Variants in TRIM39 observed in about 807,000 individuals in gnomAD.
TRIM39 encodes the protein E3 ubiquitin-protein ligase TRIM39.
Under a neutral mutation model 53.6 loss-of-function variants are expected in TRIM39, and 5 were observed. That is an observed-to-expected ratio of 0.09 (90% CI 0.05 to 0.20). The LOEUF (loss-of-function observed/expected upper bound fraction) is 0.20, where lower values mean the gene tolerates loss of function less well. TRIM39 is among the 10% of genes least tolerant of loss of function. The pLI is 1.00. For synonymous variants in TRIM39, 196 were observed against 237.6 expected (o/e 0.82, Z 1.61); for missense variants, 310 against 621.0 (o/e 0.50, Z 5.32).
At chr6:30,332,410 T>A (rs561729010) in intron 4 of TRIM39, among the ~76,000 whole-genome samples, 1 of 152,352 alleles carries the variant, frequency 6.6e-6, no homozygotes, top group African/African-American at 2.4e-5. Flanking sequence ...AATGAGTTTT[T>A]AAGAGTTGAC....
rs1787706149 is a variant in TRIM39 at position 30,342,878 on chromosome 6, G to C, written c.*619G>C. The C allele has an allele frequency of 6.5e-6, 1 of 152,912 alleles. No homozygotes were observed. Among genetic ancestry groups the C allele is most frequent in the Non-Finnish European group, 1.5e-5 (1 of 68,568 alleles). The allele number at this position is 152,912 out of a possible 1,614,324, so 9.5% of individuals were successfully genotyped here. On this transcript the variant is annotated 3_prime_UTR_variant, in exon 8 of 8. Coordinates refer to ENST00000396551, the Ensembl canonical transcript of TRIM39. The surrounding 1 kb of genome is among the most constrained non-coding windows in gnomAD (Gnocchi z 4.7). ...AGGTTTCTTTGGTCTTCTATTCCAA[G>C]GGTAAGGTTGCGATTATGGGTAAGA...
chr6:30,340,054 G>A (rs1475761596), intron 6 of TRIM39, 124 bp downstream of exon 6: 1 of 1,460,892 alleles, frequency 6.8e-7, no homozygotes, highest in African/African-American at 1.4e-5. Flanking sequence ...CAGGGTATGG[G>A]AGAATGTTCA....
rs758455741 is a variant in TRIM39 at position 30,342,871 on chromosome 6, A to G, written c.*612A>G. ...AGGAGGGAGGTTTCTTTGGTCTTCT[A>G]TTCCAAGGGTAAGGTTGCGATTATG... On this transcript the variant is annotated 3_prime_UTR_variant, in exon 8 of 8. Transcript: ENST00000396551. The surrounding 1 kb of genome is among the most constrained non-coding windows in gnomAD (Gnocchi z 4.7). The G allele has an allele frequency of 1.3e-5, 2 of 152,974 alleles. No individual in the cohort carries two copies. Among genetic ancestry groups the G allele is most frequent in the African/African-American group, 4.8e-5 (2 of 41,452 alleles). 9.5% of individuals were successfully genotyped at this position (152,974 alleles called of 1,614,324 possible). A position where few individuals can be genotyped will look rare whatever the true frequency, so the allele number is the denominator to read the frequency against.
exon 8 of TRIM39, chr6:30,343,196 A>G (rs1207910626): frequency 6.6e-6 from 1 of 152,668 alleles, no homozygotes; most frequent in African/African-American, 2.4e-5. Flanking sequence ...AGCTACTCCC[A>G]AATTGTCAGC....
At chr6:30,340,579 G>A in exon 7 of TRIM39, 1 of 1,613,020 alleles carries the variant, frequency 6.2e-7, no homozygotes, top group South Asian at 1.1e-5. Flanking sequence ...AATTTTCCCC[G>A]ACAGTACTTT....
Position 30,330,883 on chromosome 6 carries a change from GC to G in TRIM39, c.549+8del, listed in dbSNP as rs751398797. The G allele has an allele frequency of 6.2e-7, 1 of 1,613,870 alleles. No homozygotes were observed. Among genetic ancestry groups the G allele is most frequent in the African/African-American group, 1.3e-5 (1 of 75,022 alleles). On this transcript the variant is annotated splice_region_variant and intron_variant, in intron 4 of 7. Transcript: ENST00000396551. ...GAAGCCTGGTGAGCTCAAGGTAAAG[GC>G]AGGCAATCCCATGTAGGCTGCTCTG...
At chr6:30,332,752 G>A (rs956628172) in intron 4 of TRIM39, among the ~76,000 whole-genome samples, 1 of 152,122 alleles carries the variant, frequency 6.6e-6, no homozygotes, top group African/African-American at 2.4e-5. Context: ...CCTTCTAAAT[G>A]CTTGAACAGA....
intron 2 of TRIM39, 108 bp downstream of exon 2, chr6:30,329,149 T>G: frequency 3.7e-6 from 3 of 813,156 alleles, no homozygotes; most frequent in South Asian, 2.0e-5. Flanking sequence ...AACAAAGAGG[T>G]TGAATTGATT....
exon 8 of TRIM39, chr6:30,343,079 A>G (rs1266674994): frequency 1.3e-5 from 2 of 152,688 alleles, no homozygotes; most frequent in African/African-American, 2.4e-5. Context: ...AGACACATCT[A>G]TCCTTTCACA....
intron 4 of TRIM39, among the ~76,000 whole-genome samples, chr6:30,334,582 C>T (rs980978268): frequency 1.3e-5 from 2 of 152,238 alleles, no homozygotes; most frequent in Non-Finnish European, 2.9e-5. Flanking sequence ...CTGAAATCTA[C>T]ATATGTATAT....
In TRIM39 at chr6:30,333,353, G is replaced by T. The variant is rs796768262; in HGVS notation, c.550-2392G>T. The stretch of plus-strand genomic sequence containing the variant: ...CCAGGCCTATGTTTTTGTTTTTGTG[G>T]TTTTTTTTTTTTTTTTTTTTTTGAG... On this transcript the variant is annotated intron_variant, in intron 4 of 7. Transcript: ENST00000396551. Among the ~76,000 whole-genome samples the T allele has an allele frequency of 7.7e-3, 816 of 106,132 alleles. 2 individuals carry two copies. The highest frequency in any genetic ancestry group is 0.051 in the Middle Eastern group (8 of 156). The allele number at this position is 106,132 out of a possible 152,430, so 69.6% of individuals were successfully genotyped here. A position where few individuals can be genotyped will look rare whatever the true frequency, so the allele number is the denominator to read the frequency against.
In TRIM39 at chr6:30,340,037, G is replaced by A. The variant is rs1437569181; in HGVS notation, c.803+107G>A. The A allele has an allele frequency of 3.2e-6, 5 of 1,541,158 alleles. No homozygotes were observed. The African/African-American group carries it at 4.1e-5, about 13-fold the overall frequency. On this transcript the variant is annotated intron_variant, in intron 6 of 7. Transcript: ENST00000396551. ...TGAGGTTGGGAAAGTCATGTAGTGT[G>A]TCTGGGCAGGGTATGGGAGAATGTT... is the stretch of plus-strand genomic sequence containing the variant.
chr6:30,336,053 G>A (rs1786816609), intron 5 of TRIM39, 78 bp downstream of exon 5: 1 of 1,572,100 alleles, frequency 6.4e-7, no homozygotes. Context: ...GTCAGCCTGG[G>A]ATACTCATTC....
At position 30,342,358 on chromosome 6, in the gene TRIM39, A is replaced by G. The variant is rs1787644102; in HGVS notation, c.*99A>G. 1 of 1,285,166 alleles carries G rather than the reference A, an allele frequency of 7.8e-7. No homozygotes were observed. Among genetic ancestry groups the G allele is most frequent in the African/African-American group, 1.5e-5 (1 of 67,592 alleles). 79.6% of individuals were successfully genotyped at this position (1,285,166 alleles called of 1,614,324 possible). On this transcript the variant is annotated 3_prime_UTR_variant, in exon 8 of 8. Coordinates refer to ENST00000396551, the Ensembl canonical transcript of TRIM39. The surrounding 1 kb of genome is among the most constrained non-coding windows in gnomAD (Gnocchi z 4.7). Reference sequence around the variant, plus strand: ...AACGTCTTCGTGTCCACCTGGGTCCAGTCCTGAATCATCTTGGAGAAACAC... The same window carrying G: ...AACGTCTTCGTGTCCACCTGGGTCCGGTCCTGAATCATCTTGGAGAAACAC...
At chr6:30,328,984 A>C in exon 2 of TRIM39, 1 of 299,086 alleles carries the variant, frequency 3.3e-6, no homozygotes, top group South Asian at 7.0e-5. Context: ...CTGGATCAGG[A>C]GAAGTATGCT....
intron 5 of TRIM39, among the ~76,000 whole-genome samples, chr6:30,337,319 C>T (rs1008352779): frequency 2.0e-5 from 3 of 152,052 alleles, no homozygotes; most frequent in African/African-American, 7.2e-5. Flanking sequence ...GGAGGAGAAT[C>T]GCTTGAACCC....
intron 7 of TRIM39, chr6:30,341,408 T>C: frequency 1.5e-6 from 1 of 659,816 alleles, no homozygotes; most frequent in Non-Finnish European, 2.9e-6. Context: ...TGTACTTCTC[T>C]ACATAGTGAG....
chr6:30,335,779 G>C lies in TRIM39; in HGVS notation c.584G>C (p.Arg195Thr). Reference sequence around the variant, plus strand: ...GAAAGTCGCCGACAGCAGATCTTGAGGGAGTTTGAAGAGCTTCATAGGCGG... The same window carrying C: ...GAAAGTCGCCGACAGCAGATCTTGACGGAGTTTGAAGAGCTTCATAGGCGG... Residue 195 changes from arginine to threonine, a missense_variant, in exon 5 of 8, where the codon AGG (arginine) becomes ACG (threonine). Physicochemically the swap from Arg to Thr is moderately conservative, Grantham distance 71 (BLOSUM62 -1). This residue lies in a region of TRIM39 where 161 missense variants were observed against 210.0 expected (regional missense o/e 0.77). Transcript: ENST00000396551. The surrounding 1 kb of genome is among the most constrained non-coding windows in gnomAD (Gnocchi z 4.7). 6.2e-7 allele frequency: 1 copy of C among 1,613,030 alleles called. No homozygotes were observed. Among genetic ancestry groups the C allele is most frequent in the Non-Finnish European group, 8.5e-7 (1 of 1,180,024 alleles).
rs1562422939 is a variant in TRIM39 at position 30,340,490 on chromosome 6, CCCTAT to C, written c.804-12_804-8del. 10 of 1,612,968 alleles carry C rather than the reference CCCTAT, an allele frequency of 6.2e-6. No individual in the cohort carries two copies. The highest frequency in any genetic ancestry group is 2.5e-6 in the Non-Finnish European group (3 of 1,179,970). ...AACCCTGCCCTTTCTTCCCCTATCTCCCTATCCCTCCTAGATGTGAAAAGGTGAAG... is the reference window on the plus strand; with the variant it reads ...AACCCTGCCCTTTCTTCCCCTATCTCCCCTCCTAGATGTGAAAAGGTGAAG... On this transcript the variant is annotated splice_polypyrimidine_tract_variant and intron_variant, in intron 6 of 7. Coordinates refer to ENST00000396551, the Ensembl canonical transcript of TRIM39.
Sources: gnomAD v4.1 joint callset for allele counts (sites outside exome capture counted in the v4.1 genomes callset) on GRCh38, gnomAD v4.1.1 for gene constraint, gnomAD v4.1.1 regional missense constraint, Gnocchi (gnomAD v3.1) non-coding constraint, MANE v1.5 for transcripts, NCBI Gene and HGNC (gene_info 2026-07-23, HGNC 2026-07-21) for gene names.